Variants in WWOX observed in about 807,000 individuals in gnomAD.
WWOX encodes WW domain-containing oxidoreductase.
WWOX carries 69 observed loss-of-function variants against 46.2 expected under a neutral mutation model. That is an observed-to-expected ratio of 1.49 (90% CI 1.23 to 1.82). The LOEUF (loss-of-function observed/expected upper bound fraction) is 1.82. Among genes scored for constraint, WWOX ranks in the 40% most tolerant of loss-of-function variants. The pLI is 0.00. For missense variants in WWOX, 919 were observed against 542.6 expected (o/e 1.69, Z -6.89); for synonymous variants, 359 against 202.6 (o/e 1.77, Z -6.56).
chr16:78,427,573 C>T (rs79310999), intron 7 of WWOX, among the ~76,000 whole-genome samples: 6,836 of 152,018 alleles, frequency 0.045, 504 homozygotes, highest in African/African-American at 0.16. Context: ...TTCTCAGCTT[C>T]TGTGTAGACA....
At chr16:78,250,973 G>A (rs920183348) in intron 5 of WWOX, among the ~76,000 whole-genome samples, 1 of 152,132 alleles carries the variant, frequency 6.6e-6, no homozygotes, top group Non-Finnish European at 1.5e-5. Context: ...TTATATATAA[G>A]GGACAAATCT....
intron 8 of WWOX, among the ~76,000 whole-genome samples, chr16:79,001,873 T>A (rs976468486): frequency 6.6e-6 from 1 of 152,110 alleles, no homozygotes; most frequent in Non-Finnish European, 1.5e-5. Flanking sequence ...TTACAGAGCT[T>A]GTCTTTCTAG....
chr16:78,484,980 C>A (rs2667574), intron 8 of WWOX, among the ~76,000 whole-genome samples: 29,010 of 151,870 alleles, frequency 0.19, 2,954 homozygotes, highest in African/African-American at 0.25. Context: ...CTCTGCCCTG[C>A]CTTCTGATGA....
intron 7 of WWOX, among the ~76,000 whole-genome samples, chr16:78,430,795 A>C (rs1433303369): frequency 1.3e-5 from 2 of 152,176 alleles, no homozygotes; most frequent in Non-Finnish European, 2.9e-5. Context: ...TAACACTAGA[A>C]ATTGGATGTC....
chr16:78,101,283 G>C (rs539409676), intron 1 of WWOX, among the ~76,000 whole-genome samples: 45 of 146,484 alleles, frequency 3.1e-4, no homozygotes, highest in African/African-American at 1.1e-3. Context: ...TCCTGACCTC[G>C]TGATCCTCCC....
intron 8 of WWOX, among the ~76,000 whole-genome samples, chr16:78,598,180 C>G (rs2045535088): frequency 6.6e-6 from 1 of 152,190 alleles, no homozygotes. Context: ...GATTTTCAAA[C>G]ATCATATTCT....
intron 8 of WWOX, among the ~76,000 whole-genome samples, chr16:78,578,580 G>C (rs565854022): frequency 1.1e-4 from 17 of 151,818 alleles, no homozygotes; most frequent in Non-Finnish European, 1.9e-4. Flanking sequence ...GAGCCACCGC[G>C]GCTGGCGAAA....
chr16:79,179,852 C>G (rs1304861235), intron 8 of WWOX, among the ~76,000 whole-genome samples: 3 of 152,166 alleles, frequency 2.0e-5, no homozygotes, highest in Non-Finnish European at 2.9e-5. Flanking sequence ...TGGAACTTAA[C>G]CAAATGAGTC....
At chr16:79,209,312 T>C (rs1009597321) in intron 8 of WWOX, among the ~76,000 whole-genome samples, 2 of 152,164 alleles carry the variant, frequency 1.3e-5, no homozygotes, top group Admixed American at 1.3e-4. Context: ...TTAGCAAAAA[T>C]ACCATTCCAG....
intron 8 of WWOX, among the ~76,000 whole-genome samples, chr16:78,892,645 C>G (rs966307071): frequency 7.2e-5 from 11 of 152,212 alleles, no homozygotes; most frequent in Non-Finnish European, 1.3e-4. Context: ...AGGTCACCTG[C>G]CAAAAGCAAA....
chr16:78,656,421 C>G (rs2047082450), intron 8 of WWOX, among the ~76,000 whole-genome samples: 1 of 152,142 alleles, frequency 6.6e-6, no homozygotes, highest in Non-Finnish European at 1.5e-5. Context: ...CATGGTTCCG[C>G]AGGCCATACA....
chr16:78,774,477 G>A (rs2050138729), intron 8 of WWOX, among the ~76,000 whole-genome samples: 1 of 151,322 alleles, frequency 6.6e-6, no homozygotes, highest in South Asian at 2.1e-4. Context: ...TTTTCGGGCA[G>A]TTTCTTGACA....
intron 8 of WWOX, among the ~76,000 whole-genome samples, chr16:78,747,022 A>C (rs997960021): frequency 6.6e-6 from 1 of 151,822 alleles, no homozygotes. Flanking sequence ...CCTGCCTCTC[A>C]GTTTATTTCC....
At chr16:78,123,448 T>TG (rs2033209983) in intron 4 of WWOX, 3 of 25,514 alleles carry the variant, frequency 1.2e-4, no homozygotes, top group Non-Finnish European at 2.0e-4. Flanking sequence ...TTGTTTTTTT[T>TG]TTTTTTGTTT....
At chr16:78,202,913 C>G (rs992033946) in intron 5 of WWOX, among the ~76,000 whole-genome samples, 6 of 150,930 alleles carry the variant, frequency 4.0e-5, no homozygotes, top group Admixed American at 2.0e-4. Context: ...ATTTTGTCCT[C>G]AGCACTATAA....
intron 8 of WWOX, among the ~76,000 whole-genome samples, chr16:79,164,324 G>A (rs1470002096): frequency 2.0e-5 from 3 of 152,126 alleles, no homozygotes; most frequent in Non-Finnish European, 4.4e-5. Flanking sequence ...CAGTTAAAAC[G>A]GGGAGATGGC....
chr16:78,827,985 A>G (rs1416655023), intron 8 of WWOX, among the ~76,000 whole-genome samples: 2 of 152,172 alleles, frequency 1.3e-5, no homozygotes, highest in Non-Finnish European at 2.9e-5. Context: ...TGCTGTTGAA[A>G]TTGTCAGGTT....
chr16:78,695,267 C>G (rs1012192091), intron 8 of WWOX, among the ~76,000 whole-genome samples: 2 of 152,006 alleles, frequency 1.3e-5, no homozygotes, highest in African/African-American at 4.8e-5. Flanking sequence ...CACAGGCAAT[C>G]ACATATTTTA....
At chr16:78,909,906 A>G (rs559304100) in intron 8 of WWOX, among the ~76,000 whole-genome samples, 1 of 152,226 alleles carries the variant, frequency 6.6e-6, no homozygotes, top group East Asian at 1.9e-4. Flanking sequence ...GCAAAATAAG[A>G]TGTCAAGCTA....
Sources: allele counts gnomAD v4.1 joint callset (sites outside exome capture counted in the v4.1 genomes callset), GRCh38; gene constraint gnomAD v4.1.1; transcripts MANE v1.5; gene names NCBI Gene and HGNC (gene_info 2026-07-23, HGNC 2026-07-21).